CNTN5: variants seen among roughly 807,000 people sequenced by gnomAD.
The protein encoded by CNTN5 is contactin-5.
In CNTN5, 77 loss-of-function variants were observed where a neutral mutation model predicts 129.1. That is an observed-to-expected ratio of 0.60 (90% CI 0.50 to 0.72). The LOEUF is 0.72. Among genes scored for constraint, CNTN5 ranks in the 30% least tolerant of loss-of-function variants. The probability of loss-of-function intolerance (pLI) is 0.00; values close to 1 mark genes in which losing one functional copy is unlikely to be tolerated. For missense variants in CNTN5, 1,478 were observed against 1,328.8 expected, an observed-to-expected ratio of 1.11 and a Z score of -1.75; for synonymous variants, 509 against 465.6, an observed-to-expected ratio of 1.09 and a Z score of -1.20.
At chr11:99,772,486 T>C (rs1310907527) in intron 3 of CNTN5, among the ~76,000 whole-genome samples, 1 of 152,032 alleles carries the variant, frequency 6.6e-6, no homozygotes, top group Non-Finnish European at 1.5e-5. Context: ...TCCCCATTGA[T>C]TTTTAGGGTT....
intron 10 of CNTN5, among the ~76,000 whole-genome samples, chr11:100,068,069 A>G (rs894083153): frequency 6.6e-6 from 1 of 152,072 alleles, no homozygotes; most frequent in Non-Finnish European, 1.5e-5. Flanking sequence ...TTTTGAAGTT[A>G]TTTTAAAGGC....
At chr11:99,051,974 T>G (rs954802044) in intron 1 of CNTN5, among the ~76,000 whole-genome samples, 5 of 151,820 alleles carry the variant, frequency 3.3e-5, no homozygotes, top group Non-Finnish European at 7.4e-5. Context: ...ATGAATTACA[T>G]TTTAATGTTG....
At position 100,034,872 on chromosome 11, in the gene CNTN5, G is replaced by A. The variant is rs150599974; in HGVS notation, c.981-26340G>A. 6.5e-3 allele frequency among the ~76,000 whole-genome samples: 991 copies of A among 151,940 alleles called. 11 individuals are homozygous for A. Among genetic ancestry groups the A allele is most frequent in the African/African-American group, 0.023 (942 of 41,294 alleles). On this transcript the variant is annotated intron_variant, in intron 9 of 24. Transcript: ENST00000524871. ...TCAGGATATGTCCAGGTTGATTTTT[G>A]TAGTACTTCATACTTACCCTTGTCT...
At chr11:100,226,872 G>A (rs1727248486) in intron 16 of CNTN5, among the ~76,000 whole-genome samples, 1 of 151,880 alleles carries the variant, frequency 6.6e-6, no homozygotes, top group South Asian at 2.1e-4. Context: ...GTTTTACTCT[G>A]CCAGTCTCCC....
At chr11:99,336,635 T>G (rs571540004) in intron 2 of CNTN5, among the ~76,000 whole-genome samples, 1 of 151,456 alleles carries the variant, frequency 6.6e-6, no homozygotes, top group African/African-American at 2.4e-5. Context: ...AGGTCAGGAG[T>G]TTCAGACCAG....
rs538697768 is a variant in CNTN5, at chr11:99,836,722, T to A, written c.278-8130T>A. On this transcript the variant is annotated intron_variant, in intron 4 of 24. Coordinates refer to ENST00000524871, the MANE Select transcript of CNTN5 (RefSeq NM_014361.4). Reference sequence around the variant, plus strand: ...AGATCCTTGAGGAATCGCCACACTGTCTTCCACAATGGTTGAACTAGTTTA... The same window carrying A: ...AGATCCTTGAGGAATCGCCACACTGACTTCCACAATGGTTGAACTAGTTTA... Among the ~76,000 whole-genome samples, 175 of 152,294 alleles carry A rather than the reference T, an allele frequency of 1.1e-3. 1 individual carries two copies. Among genetic ancestry groups the A allele is most frequent in the African/African-American group, 4.0e-3 (167 of 41,572 alleles).
chr11:99,821,167 T>C (rs1946789564), intron 4 of CNTN5, among the ~76,000 whole-genome samples: 2 of 152,232 alleles, frequency 1.3e-5, no homozygotes, highest in Admixed American at 6.5e-5. Context: ...TGATCAGAAC[T>C]GTGATCTACT....
intron 1 of CNTN5, among the ~76,000 whole-genome samples, chr11:99,206,653 T>A (rs551699718): frequency 6.6e-6 from 1 of 152,292 alleles, no homozygotes; most frequent in East Asian, 1.9e-4. Flanking sequence ...GTATACCTTC[T>A]GTTGCAATTT....
chr11:99,424,212 G>A (rs1943019350), intron 2 of CNTN5, among the ~76,000 whole-genome samples: 1 of 152,216 alleles, frequency 6.6e-6, no homozygotes, highest in South Asian at 2.1e-4. Context: ...CCATTATTAA[G>A]TATAATAAGG....
intron 21 of CNTN5, among the ~76,000 whole-genome samples, chr11:100,333,323 T>C (rs1006751511): frequency 1.3e-5 from 2 of 148,498 alleles, no homozygotes; most frequent in African/African-American, 5.0e-5. Context: ...GAATCAATAT[T>C]GTCAAAATGA....
At chr11:100,001,361 C>T (rs1227856363) in intron 8 of CNTN5, among the ~76,000 whole-genome samples, 3 of 152,178 alleles carry the variant, frequency 2.0e-5, no homozygotes, top group Non-Finnish European at 2.9e-5. Context: ...ATCCAGTCAC[C>T]TCCTACCACG....
intron 1 of CNTN5, among the ~76,000 whole-genome samples, chr11:99,043,213 GTTTATCATA>G (rs1864073581): frequency 6.6e-6 from 1 of 152,090 alleles, no homozygotes. Flanking sequence ...AATTTCATTA[GTTTATCATA>G]TTAGAATAAT....
At chr11:99,415,256 C>T (rs1407454312) in intron 2 of CNTN5, among the ~76,000 whole-genome samples, 1 of 151,988 alleles carries the variant, frequency 6.6e-6, no homozygotes, top group African/African-American at 2.4e-5. Flanking sequence ...CATGGGAAGC[C>T]ATCTGATTTT....
chr11:99,842,545 C>T (rs957982354), intron 4 of CNTN5, among the ~76,000 whole-genome samples: 7 of 152,190 alleles, frequency 4.6e-5, no homozygotes, highest in Non-Finnish European at 8.8e-5. Context: ...TTTGAACTTA[C>T]ATGTGTCCAA....
chr11:99,529,486 C>A (rs1175539235), intron 2 of CNTN5, among the ~76,000 whole-genome samples: 1 of 152,118 alleles, frequency 6.6e-6, no homozygotes, highest in Non-Finnish European at 1.5e-5. Flanking sequence ...TAGAACTTTT[C>A]TTTTAAATGT....
intron 7 of CNTN5, among the ~76,000 whole-genome samples, chr11:99,950,629 A>G (rs931058060): frequency 2.0e-5 from 3 of 152,218 alleles, no homozygotes; most frequent in Admixed American, 6.5e-5. Flanking sequence ...ATTAAATCCA[A>G]TTGTACGAGG....
At chr11:99,915,719 C>T (rs1949771081) in intron 6 of CNTN5, among the ~76,000 whole-genome samples, 1 of 151,908 alleles carries the variant, frequency 6.6e-6, no homozygotes, top group Non-Finnish European at 1.5e-5. Flanking sequence ...AGAGAATGGG[C>T]GTTATTGGTA....
intron 3 of CNTN5, among the ~76,000 whole-genome samples, chr11:99,667,787 C>CT (rs1478429930): frequency 1.3e-5 from 2 of 151,968 alleles, no homozygotes; most frequent in African/African-American, 4.8e-5. Flanking sequence ...CACACCAGGG[C>CT]TTGTTAGCGG....
At chr11:99,758,217 C>T (rs1303909268) in intron 3 of CNTN5, among the ~76,000 whole-genome samples, 1 of 152,022 alleles carries the variant, frequency 6.6e-6, no homozygotes, top group Non-Finnish European at 1.5e-5. Flanking sequence ...CATACCACTT[C>T]AAACCCTCCC....
Sources: allele counts gnomAD v4.1 joint callset (sites outside exome capture counted in the v4.1 genomes callset), GRCh38; gene constraint gnomAD v4.1.1; transcripts MANE v1.5; gene names NCBI Gene and HGNC (gene_info 2026-07-23, HGNC 2026-07-21).